GRID1: variants seen among roughly 807,000 people sequenced by gnomAD.
The protein encoded by GRID1 is glutamate ionotropic receptor delta type subunit 1.
In GRID1, 28 loss-of-function variants were observed where a neutral mutation model predicts 98.0. That is an observed-to-expected ratio of 0.29 (90% confidence interval 0.21 to 0.39). The LOEUF (loss-of-function observed/expected upper bound fraction) is 0.39, where lower values mean the gene tolerates loss of function less well. Ranked by LOEUF, GRID1 falls within the 10% of genes least tolerant of loss-of-function variation. The probability of loss-of-function intolerance (pLI) is 1.00; values close to 1 mark genes in which losing one functional copy is unlikely to be tolerated. For synonymous variants in GRID1, 553 were observed against 538.5 expected, an observed-to-expected ratio of 1.03 and a Z score of -0.37; for missense variants, 1,111 against 1,340.5, an observed-to-expected ratio of 0.83 and a Z score of 2.67.
chr10:85,862,585 C>T (rs1224118518), intron 6 of GRID1, among the ~76,000 whole-genome samples: 6 of 152,108 alleles, frequency 3.9e-5, no homozygotes, highest in African/African-American at 9.7e-5. Flanking sequence ...AGGTAGGAGG[C>T]GTCTCTGGGA....
intron 5 of GRID1, among the ~76,000 whole-genome samples, chr10:85,873,425 C>T (rs544259206): frequency 1.8e-4 from 28 of 152,296 alleles, no homozygotes; most frequent in Middle Eastern, 3.4e-3. Context: ...ACTGAGTGCA[C>T]GGGCTCAAAA....
chr10:86,356,629 G>A (rs1037758310), intron 2 of GRID1, among the ~76,000 whole-genome samples: 1 of 152,250 alleles, frequency 6.6e-6, no homozygotes, highest in Non-Finnish European at 1.5e-5. Context: ...TGGACACACA[G>A]CAGGAGGAGG....
chr10:86,295,369 C>T (rs76775219), intron 2 of GRID1, among the ~76,000 whole-genome samples: 3 of 152,082 alleles, frequency 2.0e-5, no homozygotes, highest in Admixed American at 2.0e-4. Flanking sequence ...GGATGTAGTG[C>T]CCAAGGAAAG....
intron 8 of GRID1, among the ~76,000 whole-genome samples, chr10:85,795,141 T>C (rs1315511974): frequency 6.6e-6 from 1 of 152,194 alleles, no homozygotes; most frequent in Non-Finnish European, 1.5e-5. Context: ...TACCTATGCT[T>C]TTGTTCAAAA....
intron 12 of GRID1, among the ~76,000 whole-genome samples, chr10:85,711,509 T>A (rs1044452160): frequency 6.6e-6 from 1 of 151,866 alleles, no homozygotes; most frequent in South Asian, 2.1e-4. Flanking sequence ...AGGTACAGAT[T>A]ATTAGTTATG....
At chr10:85,790,558 A>G (rs1314908785) in intron 8 of GRID1, among the ~76,000 whole-genome samples, 1 of 152,122 alleles carries the variant, frequency 6.6e-6, no homozygotes, top group Non-Finnish European at 1.5e-5. Context: ...AAGGGTGTGG[A>G]GTTCAGGCCA....
rs567473780 is a variant in GRID1, at chr10:86,264,695, C to T, written c.236-58047G>A. On this transcript the variant is annotated intron_variant, in intron 2 of 15. Transcript: ENST00000327946. ...GAAGAGCCATGTCCCATGCAGGAGC[C>T]GCTCTGCCCAGGCAGCTGCAGGCCC... 5.5e-5 allele frequency: 26 copies of T among 476,504 alleles called. No homozygotes were observed. In the East Asian group the frequency reaches 8.5e-4, roughly 16 times the overall value. 29.5% of individuals were successfully genotyped at this position (476,504 alleles called of 1,614,324 possible).
intron 2 of GRID1, among the ~76,000 whole-genome samples, chr10:86,354,931 G>C (rs1459342948): frequency 6.6e-6 from 1 of 152,178 alleles, no homozygotes; most frequent in Non-Finnish European, 1.5e-5. Context: ...AATGGCTGGG[G>C]CTCAACTCCA....
At chr10:86,019,247 C>G (rs946736148) in intron 4 of GRID1, among the ~76,000 whole-genome samples, 2 of 152,246 alleles carry the variant, frequency 1.3e-5, no homozygotes. Context: ...CACCCGCATC[C>G]CCAGCGCTGA....
chr10:86,123,434 G>T (rs184065440), intron 4 of GRID1, among the ~76,000 whole-genome samples: 1 of 152,318 alleles, frequency 6.6e-6, no homozygotes, highest in Non-Finnish European at 1.5e-5. Flanking sequence ...TCAAAGGCCA[G>T]TGTGGAAACA....
chr10:85,625,144 G>T (rs1237730068), intron 13 of GRID1, among the ~76,000 whole-genome samples: 1 of 152,212 alleles, frequency 6.6e-6, no homozygotes, highest in Non-Finnish European at 1.5e-5. Flanking sequence ...TCACCTAATA[G>T]AGTGGGATAA....
chr10:85,696,679 T>C (rs982813284), intron 12 of GRID1, among the ~76,000 whole-genome samples: 2 of 152,052 alleles, frequency 1.3e-5, no homozygotes, highest in African/African-American at 4.8e-5. Flanking sequence ...TTCTTTCAGA[T>C]TACATTGAAC....
chr10:85,936,692 T>C (rs1461539502), intron 4 of GRID1, among the ~76,000 whole-genome samples: 1 of 152,196 alleles, frequency 6.6e-6, no homozygotes, highest in Non-Finnish European at 1.5e-5. Context: ...CCTATGTTTT[T>C]TGGCATAAGG....
intron 2 of GRID1, among the ~76,000 whole-genome samples, chr10:86,251,022 G>A (rs1846819701): frequency 6.6e-6 from 1 of 152,196 alleles, no homozygotes; most frequent in South Asian, 2.1e-4. Flanking sequence ...GCCTTGGGAT[G>A]CTGTTAATCT....
At chr10:86,022,904 C>T (rs1485659095) in intron 4 of GRID1, among the ~76,000 whole-genome samples, 3 of 146,806 alleles carry the variant, frequency 2.0e-5, no homozygotes, top group South Asian at 4.3e-4. Flanking sequence ...GGTGACAGAG[C>T]GAGACTCCAT....
At chr10:86,296,786 CATACAT>C (rs1847598523) in intron 2 of GRID1, among the ~76,000 whole-genome samples, 1 of 1,702 alleles carries the variant, frequency 5.9e-4, no homozygotes, top group Non-Finnish European at 1.4e-3. Context: ...TACATACACA[CATACAT>C]ACATACATAC....
intron 8 of GRID1, among the ~76,000 whole-genome samples, chr10:85,806,759 CA>C (rs1261280045): frequency 3.9e-5 from 6 of 152,008 alleles, no homozygotes; most frequent in Non-Finnish European, 8.8e-5. Flanking sequence ...TGACAGAAAT[CA>C]AAAACTTGCC....
At chr10:86,018,202 G>T (rs923361629) in intron 4 of GRID1, among the ~76,000 whole-genome samples, 1 of 152,240 alleles carries the variant, frequency 6.6e-6, no homozygotes, top group East Asian at 1.9e-4. Context: ...GCAGCCTTCT[G>T]ATGAGCTCCT....
In GRID1 at chr10:85,682,935, C is replaced by A. The variant is rs377397595; in HGVS notation, c.1998-35538G>T. On this transcript the variant is annotated intron_variant, in intron 12 of 15. Coordinates refer to ENST00000327946, the MANE Select transcript of GRID1 (RefSeq NM_017551.3). ...GGAAGATGGCACATGGCTAGGAAGCCTTTCATTTGTGGTCAGTTTTCACTT... is the reference window on the plus strand; with the variant it reads ...GGAAGATGGCACATGGCTAGGAAGCATTTCATTTGTGGTCAGTTTTCACTT... Among the ~76,000 whole-genome samples the A allele has an allele frequency of 5.9e-5, 9 of 152,244 alleles. No homozygotes were observed. In the East Asian group the frequency reaches 1.5e-3, roughly 26 times the overall value.
Sources: gnomAD v4.1 joint callset for allele counts (sites outside exome capture counted in the v4.1 genomes callset) on GRCh38, gnomAD v4.1.1 for gene constraint, MANE v1.5 for transcripts, NCBI Gene and HGNC (gene_info 2026-07-23, HGNC 2026-07-21) for gene names.